The following CATSPERT variants were observed in gnomAD, a reference collection of about 807,000 sequenced individuals.
The protein encoded by CATSPERT is cation channel sperm-associated targeting subunit tau.
the CATSPERT span, among the ~76,000 whole-genome samples, chr2:201,585,476 T>C: frequency 6.7e-6 from 1 of 150,154 alleles, no homozygotes; most frequent in Non-Finnish European, 1.5e-5. Context: ...GGAAAAATAA[T>C]TTTAAATAAA....
At chr2:201,571,915 A>G in the CATSPERT span, 2 of 1,596,820 alleles carry the variant, frequency 1.3e-6, no homozygotes, top group Non-Finnish European at 1.7e-6. Context: ...TGATCTGACC[A>G]TATTAACGAG....
chr2:201,592,616 T>C, the CATSPERT span, among the ~76,000 whole-genome samples: 4 of 151,404 alleles, frequency 2.6e-5, no homozygotes, highest in African/African-American at 9.7e-5. Context: ...GGTCCTGGAC[T>C]CTTTTTGGTT....
At chr2:201,540,078 T>A in the CATSPERT span, among the ~76,000 whole-genome samples, 1 of 152,162 alleles carries the variant, frequency 6.6e-6, no homozygotes, top group Admixed American at 6.6e-5. Context: ...CAAAGCCTAA[T>A]CCAGAGAAAG....
chr2:201,524,051 C>G, the CATSPERT span, among the ~76,000 whole-genome samples: 5 of 152,116 alleles, frequency 3.3e-5, no homozygotes, highest in Non-Finnish European at 7.4e-5. Flanking sequence ...AGAGAGCAAG[C>G]AACTTGGAAA....
chr2:201,514,751 T>C, the CATSPERT span, among the ~76,000 whole-genome samples: 2 of 152,206 alleles, frequency 1.3e-5, no homozygotes, highest in African/African-American at 4.8e-5. Flanking sequence ...AAATCAATTT[T>C]TGGATCTGCA....
chr2:201,581,592 A>G, the CATSPERT span, among the ~76,000 whole-genome samples: 1 of 59,816 alleles, frequency 1.7e-5, no homozygotes, highest in Non-Finnish European at 3.3e-5. Flanking sequence ...ATATATATAT[A>G]TACACATACA....
chr2:201,531,259 G>A, the CATSPERT span, among the ~76,000 whole-genome samples: 10 of 151,748 alleles, frequency 6.6e-5, no homozygotes, highest in Non-Finnish European at 1.5e-4. Context: ...GCGCCTGGCC[G>A]ACCCTGCAGT....
the CATSPERT span, chr2:201,557,843 TG>T: frequency 6.6e-6 from 1 of 152,216 alleles, no homozygotes; most frequent in Admixed American, 6.5e-5. Flanking sequence ...TCTCCATATC[TG>T]TACACATGCA....
the CATSPERT span, chr2:201,575,132 T>G: frequency 1.8e-6 from 1 of 568,932 alleles, no homozygotes; most frequent in East Asian, 3.2e-5. Flanking sequence ...TTCTATTTCA[T>G]ACATTTCTAC....
At chr2:201,512,748 A>G in the CATSPERT span, among the ~76,000 whole-genome samples, 10,364 of 152,230 alleles carry the variant, frequency 0.068, 467 homozygotes, top group African/African-American at 0.12. Context: ...AACATTGTAT[A>G]TAGGTATTTT....
chr2:201,547,807 G>A, the CATSPERT span, among the ~76,000 whole-genome samples: 1 of 152,100 alleles, frequency 6.6e-6, no homozygotes, highest in Non-Finnish European at 1.5e-5. Flanking sequence ...AGTTACCTGG[G>A]GATGGTTAAG....
chr2:201,557,527 A>G, the CATSPERT span: 72,779 of 152,024 alleles, frequency 0.48, 17,870 homozygotes, highest in East Asian at 0.75. Flanking sequence ...CCTTCTGGAA[A>G]CAACTGGCTA....
chr2:201,580,086 C>G, the CATSPERT span, among the ~76,000 whole-genome samples: 1 of 152,260 alleles, frequency 6.6e-6, no homozygotes, highest in East Asian at 1.9e-4. Flanking sequence ...GCCTCAACAA[C>G]TCTCCCACCT....
chr2:201,543,094 T>C, the CATSPERT span, among the ~76,000 whole-genome samples: 1 of 152,228 alleles, frequency 6.6e-6, no homozygotes, highest in Non-Finnish European at 1.5e-5. Context: ...CCCAACACCA[T>C]TTGCTGAAAA....
the CATSPERT span, among the ~76,000 whole-genome samples, chr2:201,596,670 C>CA: frequency 9.9e-5 from 15 of 152,152 alleles, no homozygotes; most frequent in Non-Finnish European, 1.5e-4. Flanking sequence ...TTTTTCCATT[C>CA]TTTTTTTCCT....
chr2:201,575,336 A>C, the CATSPERT span: 2 of 1,584,584 alleles, frequency 1.3e-6, no homozygotes, highest in African/African-American at 2.7e-5. Flanking sequence ...TCTAGAAAAA[A>C]AAATAAAAAT....
the CATSPERT span, among the ~76,000 whole-genome samples, chr2:201,605,293 T>C: frequency 6.6e-6 from 1 of 151,892 alleles, no homozygotes; most frequent in African/African-American, 2.4e-5. Flanking sequence ...TGACCACAGG[T>C]CTAGGAGTTG....
the CATSPERT span, chr2:201,565,789 T>G: frequency 1.2e-6 from 2 of 1,612,498 alleles, no homozygotes; most frequent in Admixed American, 3.3e-5. Context: ...GTTGGAGGAT[T>G]GCACAGCTGG....
the CATSPERT span, among the ~76,000 whole-genome samples, chr2:201,562,517 TA>T: frequency 1.8e-5 from 2 of 112,012 alleles, no homozygotes; most frequent in African/African-American, 6.2e-5. Context: ...TTTATTTATT[TA>T]TTTATTTATT....
Sources: gnomAD v4.1 joint callset for allele counts (sites outside exome capture counted in the v4.1 genomes callset) on GRCh38, gnomAD v4.1.1 for gene constraint, MANE v1.5 for transcripts, NCBI Gene and HGNC (gene_info 2026-07-23, HGNC 2026-07-21) for gene names.